The following TENM1 variants were observed in gnomAD, a reference collection of about 807,000 sequenced individuals.
The protein encoded by TENM1 is teneurin-1.
In TENM1, 35 loss-of-function variants were observed where a neutral mutation model predicts 174.8. That is an observed-to-expected ratio of 0.20 (90% CI 0.15 to 0.27). The LOEUF (loss-of-function observed/expected upper bound fraction) is 0.27. Ranked by LOEUF, TENM1 falls within the 10% of genes least tolerant of loss-of-function variation. TENM1 has a pLI of 1.00. For missense variants in TENM1, 1,633 were observed against 2,130.1 expected (o/e 0.77, Z 4.59); for synonymous variants, 781 against 798.7 (o/e 0.98, Z 0.37).
In TENM1 at chrX:124,690,990, C is replaced by CAT. The variant is rs745999859; in HGVS notation, c.1015+14021_1015+14022dup. Among the ~76,000 whole-genome samples the CAT allele has an allele frequency of 9.3e-3, 1,011 of 108,400 alleles. 5 individuals carry two copies. Among genetic ancestry groups the CAT allele is most frequent in the African/African-American group, 0.012 (360 of 30,007 alleles). 94.1% of individuals were successfully genotyped at this position (108,400 alleles called of 115,157 possible). A position where few individuals can be genotyped will look rare whatever the true frequency, so the allele number is the denominator to read the frequency against. ...TATATGCAGTTTAAAAGCACAAGCT[C>CAT]ATATATATATATATATCCCCAATTC... is the stretch of plus-strand genomic sequence containing the variant. On this transcript the variant is annotated intron_variant, in intron 5 of 31. Transcript: ENST00000422452.
intron 3 of TENM1, among the ~76,000 whole-genome samples, chrX:124,780,920 T>C (rs1341631334): frequency 9.0e-6 from 1 of 111,606 alleles, no homozygotes; most frequent in Non-Finnish European, 1.9e-5. Flanking sequence ...TCTCTCTCTT[T>C]CATCTTTAGT....
At chrX:124,704,876 AAATC>A (rs1400168632) in intron 5 of TENM1, 133 bp downstream of exon 8, 1 of 475,639 alleles carries the variant, frequency 2.1e-6, no homozygotes, top group African/African-American at 2.4e-5. Context: ...AAAAAGAAGA[AAATC>A]AATTTGTTAT....
At chrX:125,152,848 C>T in the TENM1 span, among the ~76,000 whole-genome samples, 2 of 111,966 alleles carry the variant, frequency 1.8e-5, no homozygotes, top group African/African-American at 6.5e-5. Context: ...GGAGGTGTGT[C>T]TTTAAATCCC....
chrX:125,056,293 GA>G, the TENM1 span, among the ~76,000 whole-genome samples: 1 of 111,382 alleles, frequency 9.0e-6, no homozygotes, highest in Non-Finnish European at 1.9e-5. Flanking sequence ...GACAGCTTTT[GA>G]AAAGTTAAAA....
intron 4 of TENM1, among the ~76,000 whole-genome samples, chrX:124,733,601 T>A (rs1279538102): frequency 8.9e-6 from 1 of 112,260 alleles, no homozygotes; most frequent in Non-Finnish European, 1.9e-5. Context: ...ATTGACTACA[T>A]GAGAAATGAA....
the TENM1 span, among the ~76,000 whole-genome samples, chrX:125,078,434 T>G: frequency 8.9e-6 from 1 of 111,839 alleles, no homozygotes; most frequent in East Asian, 2.8e-4. Context: ...AGTTTCCTAA[T>G]TCATATAATT....
chrX:124,455,022 CAACTT>C (rs1269294637), intron 22 of TENM1, among the ~76,000 whole-genome samples: 3 of 112,138 alleles, frequency 2.7e-5, no homozygotes, highest in Non-Finnish European at 5.6e-5. Flanking sequence ...TTTATAAACT[CAACTT>C]AATAAACTGC....
the TENM1 span, among the ~76,000 whole-genome samples, chrX:125,048,178 A>G: frequency 9.0e-6 from 1 of 111,019 alleles, no homozygotes; most frequent in Non-Finnish European, 1.9e-5. Flanking sequence ...AAACAGGGCA[A>G]ATCTAAACCT....
At chrX:124,581,796 T>A (rs1484310017) in intron 11 of TENM1, among the ~76,000 whole-genome samples, 4 of 112,239 alleles carry the variant, frequency 3.6e-5, no homozygotes, top group Non-Finnish European at 7.5e-5. Flanking sequence ...TGATTAATGA[T>A]GTGGAGCATT....
the TENM1 span, among the ~76,000 whole-genome samples, chrX:125,166,432 A>G: frequency 1.8e-5 from 2 of 111,187 alleles, no homozygotes; most frequent in Admixed American, 9.6e-5. Context: ...TCACCGCCAC[A>G]CTGCTAGTTA....
chrX:124,390,687 C>T lies in TENM1; in HGVS notation c.5688+1365G>A, dbSNP rs2239479. Among the ~76,000 whole-genome samples the T allele has an allele frequency of 7.1e-5, 8 of 112,186 alleles. No homozygotes were observed. In the East Asian group the frequency reaches 2.2e-3, roughly 31 times the overall value. ...AATATTCTGTTAGTGATCAGTAGCA[C>T]TGTTTTTTTCATATGAAGGTCATCA... On this transcript the variant is annotated intron_variant, in intron 28 of 31. Coordinates refer to ENST00000422452, the Ensembl canonical transcript of TENM1.
chrX:125,093,431 C>T, the TENM1 span, among the ~76,000 whole-genome samples: 1 of 111,526 alleles, frequency 9.0e-6, no homozygotes, highest in Non-Finnish European at 1.9e-5. Context: ...TCAACGTGCA[C>T]CAGAGGTGAT....
At chrX:125,010,719 C>A in the TENM1 span, among the ~76,000 whole-genome samples, 1 of 106,972 alleles carries the variant, frequency 9.3e-6, no homozygotes, top group Non-Finnish European at 1.9e-5. Flanking sequence ...GAGGCTGAGG[C>A]AGGAGAATGG....
intron 3 of TENM1, among the ~76,000 whole-genome samples, chrX:124,791,915 T>G (rs1288935801): frequency 9.0e-6 from 1 of 111,389 alleles, no homozygotes; most frequent in Non-Finnish European, 1.9e-5. Flanking sequence ...CACCACACTG[T>G]GTCTCCAGAG....
the TENM1 span, among the ~76,000 whole-genome samples, chrX:125,004,174 A>G: frequency 8.9e-6 from 1 of 111,759 alleles, no homozygotes; most frequent in African/African-American, 3.3e-5. Flanking sequence ...CAAGCATCAA[A>G]ATCATCTGGC....
chrX:124,836,392 C>T (rs1347649000), intron 3 of TENM1, among the ~76,000 whole-genome samples: 1 of 111,685 alleles, frequency 9.0e-6, no homozygotes, highest in Non-Finnish European at 1.9e-5. Flanking sequence ...CCTTCCTACA[C>T]TGCTCACTTA....
At chrX:124,635,401 C>T (rs2050856475) in intron 11 of TENM1, among the ~76,000 whole-genome samples, 1 of 111,999 alleles carries the variant, frequency 8.9e-6, no homozygotes, top group Non-Finnish European at 1.9e-5. Context: ...TTAGAAGGGG[C>T]ACATCATGAT....
At chrX:125,061,442 A>G in the TENM1 span, among the ~76,000 whole-genome samples, 1 of 111,959 alleles carries the variant, frequency 8.9e-6, no homozygotes, top group Admixed American at 9.5e-5. Flanking sequence ...CCTGTTTAGC[A>G]TTGTGCTTGG....
chrX:124,956,273 T>C (rs776805903), intron 1 of TENM1, among the ~76,000 whole-genome samples: 2 of 112,293 alleles, frequency 1.8e-5, no homozygotes, highest in African/African-American at 6.5e-5. Context: ...TATGAATTTA[T>C]TGAGGGCAAA....
Sources: allele counts gnomAD v4.1 joint callset (sites outside exome capture counted in the v4.1 genomes callset), GRCh38; gene constraint gnomAD v4.1.1; transcripts MANE v1.5; gene names NCBI Gene and HGNC (gene_info 2026-07-23, HGNC 2026-07-21).